Variants in HEATR1 observed in about 807,000 individuals in gnomAD.
HEATR1 encodes HEAT repeat-containing protein 1.
In HEATR1, 77 loss-of-function variants were observed where a neutral mutation model predicts 248.2. That is an observed-to-expected ratio of 0.31 (90% CI 0.26 to 0.37). The LOEUF is 0.37. HEATR1 is among the 10% of genes least tolerant of loss of function. The pLI, the probability that HEATR1 is intolerant of heterozygous loss-of-function variation, is 1.00. For missense variants in HEATR1, 2,420 were observed against 2,504.9 expected, an observed-to-expected ratio of 0.97 and a Z score of 0.72; for synonymous variants, 897 against 923.1, an observed-to-expected ratio of 0.97 and a Z score of 0.51.
chr1:236,604,075 C>T lies in HEATR1; in HGVS notation c.21G>A (p.Gln7=). 1 of 1,579,028 alleles carries T rather than the reference C, an allele frequency of 6.3e-7. No individual in the cohort carries two copies. Among genetic ancestry groups the T allele is most frequent in the Non-Finnish European group, 8.6e-7 (1 of 1,169,274 alleles). The change falls in exon 2 of 45, where the codon CAG becomes CAA. Residue 7 remains glutamine (Q), a synonymous_variant. Transcript: ENST00000366582. The stretch of plus-strand genomic sequence containing the variant: ...TTTGAGGGAGGGCGAGTCGTTGCAG[C>T]TGCTGGGCTAAGGACGTCATCTTTC... The part of the protein sequence containing the change: MTSLAQ[Q]LQRLALPQSD...
In HEATR1 at chr1:236,577,179, G is replaced by C. The variant is rs569109871; in HGVS notation, c.2756-230C>G. 3.3e-5 allele frequency among the ~76,000 whole-genome samples: 5 copies of C among 150,816 alleles called. No homozygotes were observed. In the South Asian group the frequency reaches 1.0e-3, roughly 32 times the overall value. ...CTATAAACTCTGTTCTACACCAACT[G>C]CTATCACATATGAGCTGGACATTGC... On this transcript the variant is annotated intron_variant, in intron 20 of 44. Coordinates refer to ENST00000366582, the MANE Select transcript of HEATR1 (RefSeq NM_018072.6).
chr1:236,599,394 C>G, intron 4 of HEATR1, 89 bp downstream of exon 4: 2 of 1,057,600 alleles, frequency 1.9e-6, no homozygotes, highest in Non-Finnish European at 2.7e-6. Flanking sequence ...TCTGGACTAT[C>G]CCCAGGAGCA....
intron 33 of HEATR1, 41 bp from the exon 34 acceptor site, chr1:236,559,878 C>A (rs10754577): frequency 0.62 from 962,477 of 1,553,298 alleles, 306,732 homozygotes; most frequent in Non-Finnish European, 0.66. Flanking sequence ...CAGCTGAAGG[C>A]ACTCAGAGAA....
chr1:236,587,567 A>G, intron 13 of HEATR1, 77 bp from the exon 14 acceptor site: 1 of 567,204 alleles, frequency 1.8e-6, no homozygotes, highest in Non-Finnish European at 2.9e-6. Flanking sequence ...GCGAATTTTA[A>G]AAAGAATGAA....
chr1:236,585,294 G>T (rs1663856417), intron 16 of HEATR1, 78 bp from the exon 17 acceptor site: 1 of 1,178,006 alleles, frequency 8.5e-7, no homozygotes, highest in Non-Finnish European at 1.2e-6. Context: ...GTCTATCTAG[G>T]TATTATGTGT....
chr1:236,598,099 T>G (rs1664224428), intron 4 of HEATR1, 120 bp from the exon 5 acceptor site: 1 of 566,164 alleles, frequency 1.8e-6, no homozygotes, highest in Non-Finnish European at 3.1e-6. Context: ...ATATAATCTC[T>G]CCTTATAACT....
chr1:236,562,537 C>T (rs1261104061), intron 32 of HEATR1, among the ~76,000 whole-genome samples: 1 of 152,218 alleles, frequency 6.6e-6, no homozygotes, highest in Non-Finnish European at 1.5e-5. Context: ...GCACCTCTTA[C>T]CTATGCCTGC....
rs819431 is a variant in HEATR1, at chr1:236,558,431, C to T, written c.5010G>A (p.Ala1670=). The part of the protein sequence containing the change: ...EEEQAINRQT[A]LYTLKLLCKN... ...TGCATAAAAGCTTTAAGGTATACAA[C>T]GCTGTCTGTCTGTTGATTGCTTGTT... Residue 1670 remains alanine, a synonymous_variant, in exon 36 of 45, where the codon GCG becomes GCA. Coordinates refer to ENST00000366582, the MANE Select transcript of HEATR1 (RefSeq NM_018072.6). The T allele has an allele frequency of 2.2e-4, 361 of 1,614,194 alleles. 1 individual carries two copies. The African/African-American group carries it at 4.0e-3, about 18-fold the overall frequency.
At chr1:236,589,507 T>C (rs897560763) in intron 12 of HEATR1, among the ~76,000 whole-genome samples, 1 of 152,186 alleles carries the variant, frequency 6.6e-6, no homozygotes, top group Non-Finnish European at 1.5e-5. Flanking sequence ...AATTTTTTTT[T>C]AAATCTACAA....
intron 35 of HEATR1, 98 bp from the exon 36 acceptor site, chr1:236,558,627 A>G: frequency 8.1e-7 from 1 of 1,229,410 alleles, no homozygotes; most frequent in Non-Finnish European, 1.1e-6. Flanking sequence ...AATGGAAATC[A>G]GACTCGGGGG....
At position 236,572,480 on chromosome 1, in the gene HEATR1, A is replaced by G; in HGVS notation, c.3638T>C (p.Leu1213Ser). The G allele has an allele frequency of 6.2e-7, 1 of 1,614,114 alleles. No homozygotes were observed. Among genetic ancestry groups the G allele is most frequent in the Non-Finnish European group, 8.5e-7 (1 of 1,179,968 alleles). Residue 1213 changes from leucine (L) to serine (S), a missense_variant, in exon 26 of 45, where the codon TTA (leucine) becomes TCA (serine). Physicochemically the swap from Leu to Ser is moderately radical, Grantham distance 145. Transcript: ENST00000366582. ...YWQRVTLILE[L>S]LQHKKKLRSP... ...TCTGAGCTTCTTTTTGTGCTGCAGT[A>G]ATTCCAGGATGAGAGTTACTCTTTG...
At chr1:236,555,775 T>C (rs1662952864) in intron 39 of HEATR1, 30 bp downstream of exon 39, 1 of 1,613,892 alleles carries the variant, frequency 6.2e-7, no homozygotes, top group Non-Finnish European at 8.5e-7. Flanking sequence ...ATAACAGCTT[T>C]AGGATTTGGA....
chr1:236,572,289 G>T, intron 26 of HEATR1, 122 bp downstream of exon 26: 1 of 1,130,890 alleles, frequency 8.8e-7, no homozygotes, highest in Non-Finnish European at 1.3e-6. Context: ...TTCACCTATA[G>T]TACTTGCTTT....
Position 236,604,051 on chromosome 1 carries a change from T to C in HEATR1, c.45A>G (p.Gln15=). 1 of 1,584,616 alleles carries C rather than the reference T, an allele frequency of 6.3e-7. No homozygotes were observed. Among genetic ancestry groups the C allele is most frequent in the Non-Finnish European group, 8.5e-7 (1 of 1,169,774 alleles). The part of the protein sequence containing the change: ...AQQLQRLALP[Q]SDASLLSRDE... ...CTCTAGATAAGAGGCTGGCATCACT[T>C]TGAGGGAGGGCGAGTCGTTGCAGCT... is the stretch of plus-strand genomic sequence containing the variant. The change falls in exon 2 of 45, where the codon CAA becomes CAG. Residue 15 remains glutamine (Q), a synonymous_variant. Coordinates refer to ENST00000366582, the MANE Select transcript of HEATR1 (RefSeq NM_018072.6).
At chr1:236,587,878 A>G in intron 13 of HEATR1, 70 bp downstream of exon 13, 1 of 1,052,838 alleles carries the variant, frequency 9.5e-7, no homozygotes, top group Non-Finnish European at 1.4e-6. Context: ...AGTCTCAAGC[A>G]GAGAATCAAG....
intron 29 of HEATR1, 98 bp downstream of exon 29, chr1:236,568,890 AAAAAAAAC>A (rs576584241): frequency 0.03 from 18,297 of 607,120 alleles, 446 homozygotes; most frequent in African/African-American, 0.16. Flanking sequence ...GATATTAAAA[AAAAAAAAC>A]AAAAAAAAAA....
Position 236,559,801 on chromosome 1 carries a change from A to G in HEATR1, c.4683T>C (p.Val1561=). The change falls in exon 34 of 45, where the codon GTT becomes GTC. Residue 1561 remains valine, a synonymous_variant. Coordinates refer to ENST00000366582, the MANE Select transcript of HEATR1 (RefSeq NM_018072.6). ...LETVLGYISA[V]AQSMERNADK... is the part of the protein sequence containing the mutation. ...CTGCGTTCCTTTCCATGGACTGTGC[A>G]ACTGCACTGATATAGCCGAGAACGG... is the stretch of plus-strand genomic sequence containing the variant. 6.2e-7 allele frequency: 1 copy of G among 1,613,874 alleles called. No homozygotes were observed. The highest frequency in any genetic ancestry group is 8.5e-7 in the Non-Finnish European group (1 of 1,179,810).
At chr1:236,591,842 C>T (rs1664046651) in intron 11 of HEATR1, 151 bp downstream of exon 11, 7 of 504,678 alleles carry the variant, frequency 1.4e-5, no homozygotes, top group Admixed American at 8.8e-5. Context: ...GCCTCAGAGC[C>T]GTACTTCAGG....
Position 236,558,358 on chromosome 1 carries a change from T to C in HEATR1, c.5083A>G (p.Thr1695Ala), listed in dbSNP as rs199577251. The change falls in exon 36 of 45, where the codon ACT becomes GCT. Residue 1695 changes from threonine (T) to alanine (A), a missense_variant. Transcript: ENST00000366582. ...NPDPFVPVLNTAVKLIAPERK... is the reference protein window; with the variant it reads ...NPDPFVPVLNAAVKLIAPERK... ...TCTGGAGCAATCAGTTTCACAGCAG[T>C]GTTCAGCACTGGGACAAAAGGATCT... 8.9e-5 allele frequency: 144 copies of C among 1,614,204 alleles called. No individual in the cohort carries two copies. The highest frequency in any genetic ancestry group is 2.2e-4 in the Admixed American group (13 of 60,036).
Sources: allele counts gnomAD v4.1 joint callset (sites outside exome capture counted in the v4.1 genomes callset), GRCh38; gene constraint gnomAD v4.1.1; transcripts MANE v1.5; gene names NCBI Gene and HGNC (gene_info 2026-07-23, HGNC 2026-07-21).